USP25: variants seen among roughly 807,000 people sequenced by gnomAD.
The protein encoded by USP25 is ubiquitin carboxyl-terminal hydrolase 25.
Under a neutral mutation model 158.5 loss-of-function variants are expected in USP25, and 85 were observed. The ratio of observed to expected loss-of-function variants is 0.54; its 90% CI spans 0.45 to 0.64. The LOEUF is 0.64. USP25 is among the 30% of genes least tolerant of loss of function. The probability of loss-of-function intolerance (pLI) is 0.00; values close to 1 mark genes in which losing one functional copy is unlikely to be tolerated. For synonymous variants in USP25, 464 were observed against 460.4 expected (o/e 1.01, Z -0.10); for missense variants, 1,242 against 1,327.3 (o/e 0.94, Z 1.00).
intron 21 of USP25, 112 bp downstream of exon 21, chr21:15,864,558 T>C: frequency 1.0e-6 from 1 of 987,182 alleles, no homozygotes; most frequent in Non-Finnish European, 1.4e-6. Flanking sequence ...GCACATATTT[T>C]AATAAATACG....
chr21:15,855,767 A>C (rs1461049606), intron 20 of USP25, among the ~76,000 whole-genome samples: 1 of 152,230 alleles, frequency 6.6e-6, no homozygotes, highest in Non-Finnish European at 1.5e-5. Context: ...AACTAGGCCA[A>C]GAGGTAGAAC....
chr21:15,732,752 TTTG>T (rs1305452397), intron 1 of USP25, among the ~76,000 whole-genome samples: 1 of 152,224 alleles, frequency 6.6e-6, no homozygotes, highest in African/African-American at 2.4e-5. Flanking sequence ...TGTAAGTTTT[TTTG>T]TTGTTTGCAG....
Position 15,839,202 on chromosome 21 carries a change from C to G in USP25, c.2195-3196C>G, listed in dbSNP as rs994413480. ...GGGTTTCAAACCATTGTGGGTTTACCTACCGTGACTACAACACCACTCATC... is the reference window on the plus strand; with the variant it reads ...GGGTTTCAAACCATTGTGGGTTTACGTACCGTGACTACAACACCACTCATC... On this transcript the variant is annotated intron_variant, in intron 17 of 25. Transcript: ENST00000400183. Among the ~76,000 whole-genome samples the G allele has an allele frequency of 3.9e-5, 6 of 152,106 alleles. No individual in the cohort carries two copies. In the South Asian group the frequency reaches 1.0e-3, roughly 26 times the overall value.
chr21:15,754,703 C>G (rs1159103133), intron 1 of USP25, among the ~76,000 whole-genome samples: 1 of 152,152 alleles, frequency 6.6e-6, no homozygotes, highest in African/African-American at 2.4e-5. Context: ...GGGACTCTAG[C>G]ATGCAGAGGT....
At chr21:15,760,683 G>T (rs1297050905) in intron 1 of USP25, among the ~76,000 whole-genome samples, 1 of 152,160 alleles carries the variant, frequency 6.6e-6, no homozygotes. Flanking sequence ...GCTGAATGCA[G>T]AACATTTTAA....
chr21:15,848,409 A>G (rs1269817617), intron 19 of USP25, among the ~76,000 whole-genome samples: 1 of 152,026 alleles, frequency 6.6e-6, no homozygotes, highest in Non-Finnish European at 1.5e-5. Context: ...AAAATGATCT[A>G]TTGTCTTATT....
At chr21:15,754,005 A>T (rs2033207863) in intron 1 of USP25, among the ~76,000 whole-genome samples, 1 of 152,094 alleles carries the variant, frequency 6.6e-6, no homozygotes, top group South Asian at 2.1e-4. Context: ...AAGTCACTCA[A>T]GTAATAAAAG....
chr21:15,842,576 A>G (rs773328043), intron 18 of USP25, 36 bp downstream of exon 18: 1 of 1,607,748 alleles, frequency 6.2e-7, no homozygotes, highest in Non-Finnish European at 8.5e-7. Context: ...GAACATAGCC[A>G]TGGTCACGAC....
chr21:15,739,165 T>G (rs2123198956), intron 1 of USP25, among the ~76,000 whole-genome samples: 1 of 146,032 alleles, frequency 6.8e-6, no homozygotes, highest in Non-Finnish European at 1.5e-5. Flanking sequence ...TAATTTCAGT[T>G]TTTGTGCCTG....
rs182588481 is a variant in USP25 at position 15,835,679 on chromosome 21, G to A, written c.2194+2131G>A. ...TGGAAATGGTCAATTCCTATTCCTA[G>A]ATAACTTTTATAGTTACCTTTCAGC... On this transcript the variant is annotated intron_variant, in intron 17 of 25. Coordinates refer to ENST00000400183, the MANE Select transcript of USP25 (RefSeq NM_001283041.3). Among the ~76,000 whole-genome samples the A allele has an allele frequency of 6.1e-4, 93 of 152,272 alleles. 1 individual carries two copies. Among genetic ancestry groups the A allele is most frequent in the African/African-American group, 1.5e-3 (64 of 41,558 alleles).
At chr21:15,765,482 T>G (rs16989451) in intron 2 of USP25, among the ~76,000 whole-genome samples, 3,615 of 152,124 alleles carry the variant, frequency 0.024, 136 homozygotes, top group African/African-American at 0.082. Context: ...TGTGTGTCTT[T>G]CCATAATTCC....
intron 1 of USP25, among the ~76,000 whole-genome samples, chr21:15,760,827 G>T (rs755235876): frequency 6.6e-6 from 1 of 151,828 alleles, no homozygotes; most frequent in Non-Finnish European, 1.5e-5. Flanking sequence ...AATTCTTCAG[G>T]ATATATTTCC....
chr21:15,782,830 C>G (rs1300320172), intron 4 of USP25, among the ~76,000 whole-genome samples: 2 of 152,120 alleles, frequency 1.3e-5, no homozygotes, highest in African/African-American at 4.8e-5. Flanking sequence ...AACATAGAGA[C>G]AGAAGAATCA....
chr21:15,738,010 GC>G (rs2077605016), intron 1 of USP25, among the ~76,000 whole-genome samples: 4 of 152,116 alleles, frequency 2.6e-5, no homozygotes, highest in African/African-American at 9.6e-5. Context: ...CTTATTTCTG[GC>G]TTGGAGTTTT....
At chr21:15,793,772 G>A (rs2035719482) in intron 5 of USP25, among the ~76,000 whole-genome samples, 1 of 151,490 alleles carries the variant, frequency 6.6e-6, no homozygotes, top group East Asian at 1.9e-4. Context: ...GAAAAATTTG[G>A]CTAGAGATCA....
intron 19 of USP25, 79 bp downstream of exon 19, chr21:15,847,855 T>A: frequency 1.2e-6 from 1 of 841,304 alleles, no homozygotes. Context: ...GCCTGCACCC[T>A]CATACTTAAT....
intron 6 of USP25, among the ~76,000 whole-genome samples, chr21:15,801,544 A>G (rs941676143): frequency 2.0e-5 from 3 of 151,582 alleles, no homozygotes; most frequent in Admixed American, 6.6e-5. Flanking sequence ...CTATACCTTG[A>G]CATCTTTGAA....
chr21:15,842,257 G>A, intron 17 of USP25, 141 bp from the exon 18 acceptor site: 8 of 819,784 alleles, frequency 9.8e-6, no homozygotes, highest in East Asian at 5.6e-5. Context: ...AGTGCTATAC[G>A]TGGAAAGATA....
At position 15,847,713 on chromosome 21, in the gene USP25, G is replaced by C. The variant is rs1382674811; in HGVS notation, c.2388G>C (p.Glu796Asp). The C allele has an allele frequency of 1.9e-6, 3 of 1,550,216 alleles. No homozygotes were observed. Among genetic ancestry groups the C allele is most frequent in the Non-Finnish European group, 2.6e-6 (3 of 1,146,700 alleles). ...CACTTTCTAATCAGCGAGTTGTAGAGGTGGCGATCCCTCATGTAGGGAAAT... is the reference window on the plus strand; with the variant it reads ...CACTTTCTAATCAGCGAGTTGTAGACGTGGCGATCCCTCATGTAGGGAAAT... ...SQPLSNQRVV[E>D]VAIPHVGKFM... The change falls in exon 19 of 26, where the codon GAG becomes GAC. Residue 796 changes from glutamate (E) to aspartate (D), a missense_variant. Transcript: ENST00000400183.
Sources: allele counts gnomAD v4.1 joint callset (sites outside exome capture counted in the v4.1 genomes callset), GRCh38; gene constraint gnomAD v4.1.1; transcripts MANE v1.5; gene names NCBI Gene and HGNC (gene_info 2026-07-23, HGNC 2026-07-21).